The following GPBP1 variants were observed in gnomAD, a reference collection of about 807,000 sequenced individuals.
The protein encoded by GPBP1 is GC-rich promoter binding protein 1.
A neutral mutation model predicts 56.5 loss-of-function variants in GPBP1; 13 were observed. That is an observed-to-expected ratio of 0.23 (90% confidence interval 0.15 to 0.37). The LOEUF is 0.37. Ranked by LOEUF, GPBP1 falls within the 10% of genes least tolerant of loss-of-function variation. The pLI is 1.00. For missense variants in GPBP1, 477 were observed against 572.3 expected (o/e 0.83, Z 1.70); for synonymous variants, 204 against 188.9 (o/e 1.08, Z -0.66).
Position 57,231,307 on chromosome 5 carries a change from G to C in GPBP1, c.397G>C (p.Glu133Gln). 1 of 1,611,876 alleles carries C rather than the reference G, an allele frequency of 6.2e-7. No homozygotes were observed. ...AGACAAGAGAGAACGCAAACAGTTT[G>C]AAGCTGAGGATTTTGTAAGTTTTTT... ...KEDKRERKQF[E>Q]AEDFPSLNPE... is the part of the protein sequence containing the mutation. Residue 133 changes from glutamate (E) to glutamine (Q), a missense_variant, in exon 5 of 12, where the codon GAA (glutamate) becomes CAA (glutamine). Around this residue, in one of 2 missense-constraint regions of GPBP1, gnomAD observed 414 missense variants for 458.2 expected, o/e 0.90. Transcript: ENST00000506184.
At position 57,231,197 on chromosome 5, in the gene GPBP1, G is replaced by A. The variant is rs771538434; in HGVS notation, c.287G>A (p.Arg96His). 6 of 1,614,098 alleles carry A rather than the reference G, an allele frequency of 3.7e-6. No homozygotes were observed. The highest frequency in any genetic ancestry group is 2.2e-5 in the South Asian group (2 of 91,086). Reference protein sequence around the residue: ...HRGGYHGGSSRSRSSIFHAGK... With the variant: ...HRGGYHGGSSHSRSSIFHAGK... ...GGTGGATACCATGGTGGAAGTTCCC[G>A]TTCTCGTAGCAGTATTTTCCATGCA... Residue 96 changes from arginine (R) to histidine (H), a missense_variant, in exon 5 of 12, where the codon CGT (arginine) becomes CAT (histidine). Coordinates refer to ENST00000506184, the MANE Select transcript of GPBP1 (RefSeq NM_022913.4).
At chr5:57,207,607 G>T (rs191475138) in intron 2 of GPBP1, among the ~76,000 whole-genome samples, 7 of 152,188 alleles carry the variant, frequency 4.6e-5, no homozygotes, top group Non-Finnish European at 8.8e-5. Context: ...CTGCCTTATC[G>T]CAAGGACAGA....
At chr5:57,206,749 A>G (rs1755250212) in intron 2 of GPBP1, among the ~76,000 whole-genome samples, 1 of 152,190 alleles carries the variant, frequency 6.6e-6, no homozygotes, top group Non-Finnish European at 1.5e-5. Flanking sequence ...TTTTGAAAAG[A>G]CAATTCCGTA....
intron 10 of GPBP1, among the ~76,000 whole-genome samples, chr5:57,259,090 A>T (rs1741783145): frequency 6.6e-6 from 1 of 152,244 alleles, no homozygotes; most frequent in Non-Finnish European, 1.5e-5. Flanking sequence ...AAGATAGTGC[A>T]TTGGAAGAAG....
At chr5:57,222,779 A>G (rs145768838) in intron 3 of GPBP1, among the ~76,000 whole-genome samples, 1 of 152,290 alleles carries the variant, frequency 6.6e-6, no homozygotes, top group African/African-American at 2.4e-5. Flanking sequence ...GCTCTCCAAA[A>G]TGTTCGTATC....
intron 6 of GPBP1, among the ~76,000 whole-genome samples, chr5:57,239,313 T>C (rs1013621002): frequency 2.0e-5 from 3 of 152,218 alleles, no homozygotes; most frequent in African/African-American, 4.8e-5. Flanking sequence ...TGTTGATATT[T>C]GTGAAATGCA....
chr5:57,226,374 T>C (rs971367445), intron 3 of GPBP1, among the ~76,000 whole-genome samples: 4 of 152,090 alleles, frequency 2.6e-5, no homozygotes, highest in African/African-American at 4.8e-5. Flanking sequence ...ATAATAGACT[T>C]AATTAAATGC....
intron 3 of GPBP1, among the ~76,000 whole-genome samples, chr5:57,223,985 C>T (rs1040587075): frequency 2.0e-5 from 3 of 151,658 alleles, no homozygotes; most frequent in Non-Finnish European, 4.4e-5. Flanking sequence ...AGGCGCCCGC[C>T]ACCACACCTG....
chr5:57,213,198 A>G (rs745309015), intron 2 of GPBP1, among the ~76,000 whole-genome samples: 1 of 151,966 alleles, frequency 6.6e-6, no homozygotes, highest in Non-Finnish European at 1.5e-5. Flanking sequence ...GGATTTAGGC[A>G]CCCACCACCA....
In GPBP1 at chr5:57,176,296, A is replaced by C; in HGVS notation, c.-162A>C. On this transcript the variant is annotated 5_prime_UTR_variant, in exon 2 of 12. Coordinates refer to ENST00000506184, the MANE Select transcript of GPBP1 (RefSeq NM_022913.4). Reference sequence around the variant, plus strand: ...ATAGTCGTAGGTTAAGTATCTTCAAAGAACTTCGATATTATTTCAGAGGAT... The same window carrying C: ...ATAGTCGTAGGTTAAGTATCTTCAACGAACTTCGATATTATTTCAGAGGAT... 3.1e-6 allele frequency: 1 copy of C among 324,666 alleles called. No homozygotes were observed. The highest frequency in any genetic ancestry group is 1.6e-4 in the South Asian group (1 of 6,386). 20.1% of individuals were successfully genotyped at this position (324,666 alleles called of 1,614,324 possible).
At chr5:57,261,453 C>T (rs1200509933) in intron 11 of GPBP1, among the ~76,000 whole-genome samples, 171 bp downstream of exon 11, 1 of 151,760 alleles carries the variant, frequency 6.6e-6, no homozygotes, top group Non-Finnish European at 1.5e-5. Flanking sequence ...GTCCAGCTGG[C>T]CTCTAGAACT....
At chr5:57,212,777 C>T (rs576525831) in intron 2 of GPBP1, among the ~76,000 whole-genome samples, 16 of 147,338 alleles carry the variant, frequency 1.1e-4, no homozygotes, top group African/African-American at 4.0e-4. Flanking sequence ...TCAAGCAATT[C>T]TCTTGCCTCA....
At chr5:57,216,556 C>T (rs183281418) in intron 3 of GPBP1, among the ~76,000 whole-genome samples, 33 of 152,222 alleles carry the variant, frequency 2.2e-4, no homozygotes, top group East Asian at 2.1e-3. Context: ...AACCCCGTCT[C>T]TACTAAAAAT....
rs1579995400 is a variant in GPBP1 at position 57,199,556 on chromosome 5, T to G, written c.-57-14518T>G. On this transcript the variant is annotated intron_variant, in intron 2 of 11. Coordinates refer to ENST00000506184, the MANE Select transcript of GPBP1 (RefSeq NM_022913.4). Reference sequence around the variant, plus strand: ...TTTCTTTTTATATATATATATATCTTTATTATACTTTAAGTTCTAGGGTAC... The same window carrying G: ...TTTCTTTTTATATATATATATATCTGTATTATACTTTAAGTTCTAGGGTAC... Among the ~76,000 whole-genome samples, 4 of 151,992 alleles carry G rather than the reference T, an allele frequency of 2.6e-5. 1 individual carries two copies. The South Asian group carries it at 8.3e-4, about 32-fold the overall frequency.
rs1019311244 is a variant in GPBP1 at position 57,176,000 on chromosome 5, G to A, written c.-458G>A. On this transcript the variant is annotated 5_prime_UTR_variant, in exon 2 of 12. Transcript: ENST00000506184. ...TTTAAGATGTTGCAGTTTTCCGGCA[G>A]CATGGTAGTATTGAGATAGCTATGT... 9 of 398,408 alleles carry A rather than the reference G, an allele frequency of 2.3e-5. No homozygotes were observed. The highest frequency in any genetic ancestry group is 4.1e-5 in the African/African-American group (2 of 48,618). The allele number at this position is 398,408 out of a possible 1,614,324, so 24.7% of individuals were successfully genotyped here. A position where few individuals can be genotyped will look rare whatever the true frequency, so the allele number is the denominator to read the frequency against.
intron 2 of GPBP1, among the ~76,000 whole-genome samples, chr5:57,183,776 T>C (rs992923304): frequency 6.7e-6 from 1 of 150,140 alleles, no homozygotes; most frequent in Non-Finnish European, 1.5e-5. Flanking sequence ...TTTTTTTTTT[T>C]TTTTTTTGTT....
At chr5:57,237,683 C>T (rs1740601997) in intron 6 of GPBP1, among the ~76,000 whole-genome samples, 1 of 152,162 alleles carries the variant, frequency 6.6e-6, no homozygotes, top group African/African-American at 2.4e-5. Context: ...TCCTCTCTCA[C>T]TTTCCCCCCT....
chr5:57,237,547 TA>T (rs1740589985), intron 6 of GPBP1: 2 of 181,136 alleles, frequency 1.1e-5, no homozygotes, highest in African/African-American at 2.4e-5. Flanking sequence ...TGTGTTTAGG[TA>T]AACTAAGAAA....
rs529698449 is a variant in GPBP1, at chr5:57,204,261, G to GT, written c.-57-9804dup. Reference sequence around the variant, plus strand: ...CAGCTTGTTTTTTTTGTTTTGTCTTGTTTTTTTTTGGTCAGTCTGGCTCTG... The same window carrying GT: ...CAGCTTGTTTTTTTTGTTTTGTCTTGTTTTTTTTTTGGTCAGTCTGGCTCTG... On this transcript the variant is annotated intron_variant, in intron 2 of 11. Coordinates refer to ENST00000506184, the MANE Select transcript of GPBP1 (RefSeq NM_022913.4). Among the ~76,000 whole-genome samples, 611 of 150,756 alleles carry GT rather than the reference G, an allele frequency of 4.1e-3. 5 individuals are homozygous for GT. Among genetic ancestry groups the GT allele is most frequent in the Admixed American group, 0.015 (220 of 15,074 alleles).
Sources: allele counts gnomAD v4.1 joint callset (sites outside exome capture counted in the v4.1 genomes callset), GRCh38; gene constraint gnomAD v4.1.1; regional missense constraint gnomAD v4.1.1; transcripts MANE v1.5; gene names NCBI Gene and HGNC (gene_info 2026-07-23, HGNC 2026-07-21).